The following NAA38 variants were observed in gnomAD, a reference collection of about 807,000 sequenced individuals.
The protein encoded by NAA38 is LSM domain containing 1.
Under a neutral mutation model 12.6 loss-of-function variants are expected in NAA38, and 15 were observed. The observed-to-expected ratio is 1.19, with a 90% confidence interval of 0.79 to 1.83. The LOEUF is 1.83. Among genes scored for constraint, NAA38 ranks in the 40% most tolerant of loss-of-function variants. The pLI is 0.00. For missense variants in NAA38, 183 were observed against 171.7 expected (o/e 1.07, Z -0.37); for synonymous variants, 88 against 69.9 (o/e 1.26, Z -1.29).
chr17:7,862,149 T>C (rs1016986064), upstream of NAA38: 1 of 152,252 alleles, frequency 6.6e-6, no homozygotes, highest in African/African-American at 2.4e-5. Context: ...TGTAAAATTA[T>C]GGCTGTAATA....
At chr17:7,859,405 G>A (rs1403630409), upstream of NAA38, 3 of 1,613,924 alleles carry the variant, frequency 1.9e-6, no homozygotes, top group Non-Finnish European at 2.5e-6. Flanking sequence ...AGTCCATATG[G>A]GAAATCCTAC....
At chr17:7,858,019 G>A, upstream of NAA38, 2 of 1,527,472 alleles carry the variant, frequency 1.3e-6, no homozygotes, top group African/African-American at 1.4e-5. Context: ...TTCCATGTCA[G>A]CGGATAAACG....
chr17:7,857,891 T>C, upstream of NAA38: 1 of 1,398,884 alleles, frequency 7.1e-7, no homozygotes, highest in Non-Finnish European at 9.3e-7. Flanking sequence ...GCAACTCAAT[T>C]ACTTGATCCT....
At chr17:7,860,342 C>CT (rs2078874047), upstream of NAA38, 1 of 152,186 alleles carries the variant, frequency 6.6e-6, no homozygotes, top group Non-Finnish European at 1.5e-5. Context: ...GACACAGGGT[C>CT]TCGCTGTGTT....
upstream of NAA38, chr17:7,861,225 G>C (rs760138792): frequency 3.3e-5 from 5 of 152,098 alleles, no homozygotes; most frequent in Non-Finnish European, 5.9e-5. Context: ...GGGGACACCA[G>C]GGCCCAGCAC....
At chr17:7,867,551 C>T (rs1326950690) in intron 2 of NAA38, among the ~76,000 whole-genome samples, 2 of 152,176 alleles carry the variant, frequency 1.3e-5, no homozygotes, top group Non-Finnish European at 2.9e-5. Flanking sequence ...GTTGGCCAGG[C>T]TGGTCTTGAA....
chr17:7,857,300 G>A, intron 1 of NAA38, 83 bp downstream of exon 1: 7 of 1,612,128 alleles, frequency 4.3e-6, no homozygotes, highest in East Asian at 2.2e-5. Context: ...AAAGCCCAGA[G>A]GCTGCCGGGA....
chr17:7,878,520 G>C (rs912305606), intron 2 of NAA38, among the ~76,000 whole-genome samples: 1 of 152,050 alleles, frequency 6.6e-6, no homozygotes, highest in Non-Finnish European at 1.5e-5. Flanking sequence ...TCAGGAGCTC[G>C]AGACCAGCCT....
At chr17:7,870,885 C>T (rs999560859) in intron 2 of NAA38, among the ~76,000 whole-genome samples, 27 of 124,054 alleles carry the variant, frequency 2.2e-4, no homozygotes, top group Admixed American at 2.5e-4. Context: ...CAAGACTCCA[C>T]CTCAAAAAAA....
At chr17:7,880,678 C>G (rs1456473645) in intron 2 of NAA38, among the ~76,000 whole-genome samples, 1 of 152,156 alleles carries the variant, frequency 6.6e-6, no homozygotes, top group Non-Finnish European at 1.5e-5. Context: ...CATGTAAGCT[C>G]AGCTTACTGT....
At chr17:7,880,263 A>T (rs565146418) in intron 2 of NAA38, among the ~76,000 whole-genome samples, 2 of 152,254 alleles carry the variant, frequency 1.3e-5, no homozygotes, top group Non-Finnish European at 2.9e-5. Context: ...CAAGACAGAC[A>T]GATAAGAAGA....
chr17:7,866,943 G>C (rs888066389), intron 2 of NAA38, among the ~76,000 whole-genome samples: 1 of 152,140 alleles, frequency 6.6e-6, no homozygotes, highest in Non-Finnish European at 1.5e-5. Context: ...AAAGAGCTAA[G>C]TATGAAACAC....
chr17:7,883,272 CG>C (rs1462796096), exon 2 of NAA38: 1 of 152,168 alleles, frequency 6.6e-6, no homozygotes, highest in Admixed American at 6.5e-5. Context: ...TTCTCTTTCA[CG>C]GTACCTCAGT....
chr17:7,864,227 A>G (rs1046016831), intron 3 of NAA38: 4 of 152,224 alleles, frequency 2.6e-5, no homozygotes, highest in African/African-American at 9.6e-5. Flanking sequence ...GCCAAAGATT[A>G]AGGATTCAAA....
intron 2 of NAA38, among the ~76,000 whole-genome samples, chr17:7,877,532 T>C (rs1458284810): frequency 6.6e-6 from 1 of 152,160 alleles, no homozygotes; most frequent in Non-Finnish European, 1.5e-5. Flanking sequence ...AACTCCTTTT[T>C]CTTAACTGCT....
upstream of NAA38, chr17:7,860,134 C>T (rs543884352): frequency 1.9e-5 from 3 of 156,648 alleles, no homozygotes; most frequent in Non-Finnish European, 2.8e-5. Context: ...ATACTAGGTA[C>T]TTCATATACC....
intron 2 of NAA38, among the ~76,000 whole-genome samples, chr17:7,867,391 T>G (rs1039296126): frequency 6.6e-6 from 1 of 152,086 alleles, no homozygotes; most frequent in Non-Finnish European, 1.5e-5. Context: ...CAGGCTGGAG[T>G]GCAATGGCAT....
chr17:7,868,901 G>C (rs1032189120), intron 2 of NAA38, among the ~76,000 whole-genome samples: 1 of 152,198 alleles, frequency 6.6e-6, no homozygotes, highest in Non-Finnish European at 1.5e-5. Context: ...AATATGGTTT[G>C]TTTCATATCA....
At chr17:7,878,671 A>C (rs954890779) in intron 2 of NAA38, among the ~76,000 whole-genome samples, 6 of 152,208 alleles carry the variant, frequency 3.9e-5, no homozygotes, top group African/African-American at 1.4e-4. Context: ...GGTTGCAGTG[A>C]GCTGAGATCG....
Sources: gnomAD v4.1 joint callset for allele counts (sites outside exome capture counted in the v4.1 genomes callset) on GRCh38, gnomAD v4.1.1 for gene constraint, MANE v1.5 for transcripts, NCBI Gene and HGNC (gene_info 2026-07-23, HGNC 2026-07-21) for gene names.